Variants in SLCO1A2 observed in about 807,000 individuals in gnomAD.
SLCO1A2 encodes the protein OATP-1.
Under a neutral mutation model 69.0 loss-of-function variants are expected in SLCO1A2, and 67 were observed. That is an observed-to-expected ratio of 0.97 (90% CI 0.80 to 1.19). SLCO1A2 has a LOEUF of 1.19. Ranked by LOEUF, SLCO1A2 falls within the 50% of genes most tolerant of loss-of-function variation. The probability of loss-of-function intolerance (pLI) is 0.00; values close to 1 mark genes in which losing one functional copy is unlikely to be tolerated. For missense variants in SLCO1A2, 787 were observed against 793.7 expected (o/e 0.99, Z 0.10); for synonymous variants, 260 against 265.9 (o/e 0.98, Z 0.22).
chr12:21,368,784 TAGAAA>T (rs1939576974), intron 2 of SLCO1A2, among the ~76,000 whole-genome samples: 1 of 152,094 alleles, frequency 6.6e-6, no homozygotes, highest in Non-Finnish European at 1.5e-5. Flanking sequence ...AAAATGTAAA[TAGAAA>T]AAAGATGTAC....
At chr12:21,326,348 C>T (rs537641847) in intron 2 of SLCO1A2, among the ~76,000 whole-genome samples, 2 of 152,030 alleles carry the variant, frequency 1.3e-5, no homozygotes, top group Non-Finnish European at 2.9e-5. Flanking sequence ...TGTAAAGATA[C>T]CCAAAAATGT....
chr12:21,417,667 A>G (rs1246089352), intron 1 of SLCO1A2, among the ~76,000 whole-genome samples: 1 of 152,074 alleles, frequency 6.6e-6, no homozygotes, highest in Non-Finnish European at 1.5e-5. Flanking sequence ...AACATAAAAA[A>G]TTAAACCTAT....
intron 12 of SLCO1A2, among the ~76,000 whole-genome samples, chr12:21,285,975 T>A (rs1014976663): frequency 2.0e-5 from 3 of 152,088 alleles, no homozygotes; most frequent in Non-Finnish European, 4.4e-5. Flanking sequence ...CTCTCACCAC[T>A]CCTATTCAAT....
chr12:21,290,012 T>TGTGTGTGTGTATGTATGC (rs796195931), intron 12 of SLCO1A2, among the ~76,000 whole-genome samples: 2,263 of 151,974 alleles, frequency 0.015, 47 homozygotes, highest in African/African-American at 0.052. Flanking sequence ...TTTCTCAGTG[T>TGTGTGTGTGTATGTATGC]GTGTGTGTGT....
intron 1 of SLCO1A2, among the ~76,000 whole-genome samples, chr12:21,382,472 G>A (rs1940647378): frequency 6.6e-6 from 1 of 152,102 alleles, no homozygotes; most frequent in Non-Finnish European, 1.5e-5. Context: ...TACCCCAAAA[G>A]CTATTGAAAT....
upstream of SLCO1A2, among the ~76,000 whole-genome samples, chr12:21,337,527 C>G (rs906145933): frequency 6.7e-6 from 1 of 148,550 alleles, no homozygotes; most frequent in Non-Finnish European, 1.5e-5. Context: ...CATCCTTTCC[C>G]TAGGGAAAAA....
intron 12 of SLCO1A2, among the ~76,000 whole-genome samples, chr12:21,278,801 T>A (rs1196876276): frequency 6.6e-6 from 1 of 151,782 alleles, no homozygotes; most frequent in Non-Finnish European, 1.5e-5. Flanking sequence ...TCAACAAACA[T>A]TGACAAGCAT....
intron 2 of SLCO1A2, among the ~76,000 whole-genome samples, chr12:21,326,180 C>T (rs1188432177): frequency 2.6e-5 from 4 of 152,196 alleles, no homozygotes; most frequent in African/African-American, 9.6e-5. Flanking sequence ...TTTGCTCCTC[C>T]TGCATCTTCC....
chr12:21,314,652 A>C lies in SLCO1A2; in HGVS notation c.232T>G (p.Tyr78Asp), dbSNP rs1410990000. The C allele has an allele frequency of 8.7e-6, 14 of 1,608,742 alleles. No homozygotes were observed. Among genetic ancestry groups the C allele is most frequent in the Non-Finnish European group, 1.2e-5 (14 of 1,175,122 alleles). The change falls in exon 4 of 15, where the codon TAT becomes GAT. Residue 78 changes from tyrosine to aspartate, a missense_variant. Tyr to Asp is a radical substitution (Grantham distance 160). Transcript: ENST00000683939. ...GGTCTATGCAGTTTGGTTCCAAAAT[A>C]ACTCACAAATATAATCAACAAAAGA... ...GNLLLIIFVS[Y>D]FGTKLHRPIM...
chr12:21,374,426 A>G (rs1184770578), exon 2 of SLCO1A2: 1 of 152,220 alleles, frequency 6.6e-6, no homozygotes, highest in Admixed American at 6.5e-5. Flanking sequence ...ATGTCATATT[A>G]TAATTCTTCT....
chr12:21,400,285 A>G (rs1591918239), upstream of SLCO1A2, among the ~76,000 whole-genome samples: 1 of 152,220 alleles, frequency 6.6e-6, no homozygotes, highest in East Asian at 1.9e-4. Context: ...AATGCTCATC[A>G]TCACTGGCCA....
chr12:21,269,877 TG>T (rs1942478377), intron 14 of SLCO1A2, 110 bp from the exon 15 acceptor site: 2 of 708,048 alleles, frequency 2.8e-6, no homozygotes, highest in Middle Eastern at 4.1e-4. Flanking sequence ...CTGATGGTTT[TG>T]CATGCTGATC....
intron 2 of SLCO1A2, among the ~76,000 whole-genome samples, chr12:21,325,106 A>C (rs1464404461): frequency 2.0e-5 from 3 of 152,126 alleles, no homozygotes; most frequent in African/African-American, 7.2e-5. Context: ...TGCTCCACAA[A>C]TGGATATGAA....
chr12:21,283,830 A>G (rs901425384), intron 12 of SLCO1A2, among the ~76,000 whole-genome samples: 29 of 152,206 alleles, frequency 1.9e-4, no homozygotes, highest in Non-Finnish European at 3.1e-4. Context: ...TCAATGATCA[A>G]GAGAGGAATG....
intron 2 of SLCO1A2, among the ~76,000 whole-genome samples, chr12:21,331,455 A>C (rs143831405): frequency 1.5e-3 from 226 of 152,184 alleles, no homozygotes; most frequent in Non-Finnish European, 2.9e-3. Flanking sequence ...TGGAATTCTC[A>C]TTTGAATTTG....
intron 2 of SLCO1A2, among the ~76,000 whole-genome samples, chr12:21,328,758 C>T (rs1170290688): frequency 6.6e-6 from 1 of 152,056 alleles, no homozygotes; most frequent in Non-Finnish European, 1.5e-5. Context: ...CCAGTTTCCC[C>T]TGAACTAGTC....
At chr12:21,416,669 T>G (rs1234112411) in intron 1 of SLCO1A2, among the ~76,000 whole-genome samples, 1 of 152,024 alleles carries the variant, frequency 6.6e-6, no homozygotes. Flanking sequence ...GGGCACTGAC[T>G]ATTCACAGGA....
chr12:21,393,811 T>C (rs565217107), intron 1 of SLCO1A2, among the ~76,000 whole-genome samples: 2 of 152,210 alleles, frequency 1.3e-5, no homozygotes, highest in African/African-American at 4.8e-5. Context: ...TTCAACAAAC[T>C]TGAAAGAAAA....
intron 12 of SLCO1A2, among the ~76,000 whole-genome samples, chr12:21,278,124 G>A (rs1944200092): frequency 6.6e-6 from 1 of 152,066 alleles, no homozygotes; most frequent in African/African-American, 2.4e-5. Context: ...CTGTGGGCCT[G>A]TGGTGGTGGT....
Sources: allele counts gnomAD v4.1 joint callset (sites outside exome capture counted in the v4.1 genomes callset), GRCh38; gene constraint gnomAD v4.1.1; transcripts MANE v1.5; gene names NCBI Gene and HGNC (gene_info 2026-07-23, HGNC 2026-07-21).